DTNA: variants seen among roughly 807,000 people sequenced by gnomAD.
The protein encoded by DTNA is dystrophin-related protein 3.
In DTNA, 43 loss-of-function variants were observed where a neutral mutation model predicts 100.7. The observed-to-expected ratio is 0.43, with a 90% CI of 0.33 to 0.55. The LOEUF (loss-of-function observed/expected upper bound fraction) is 0.55, where lower values mean the gene tolerates loss of function less well. Among genes scored for constraint, DTNA ranks in the 20% least tolerant of loss-of-function variants. DTNA has a pLI of 0.04. For synonymous variants in DTNA, 349 were observed against 347.9 expected, an observed-to-expected ratio of 1.00 and a Z score of -0.04; for missense variants, 798 against 953.9, an observed-to-expected ratio of 0.84 and a Z score of 2.15.
In DTNA at chr18:34,658,920, G is replaced by A. The variant is rs563505888; in HGVS notation, c.-1-97056G>A. On this transcript the variant is annotated intron_variant, in intron 1 of 19. Transcript: ENST00000283365. ...AACACTCTTTCTCCACTGTAACCAC[G>A]GCTGAGGCCTAATGACAATTCAGGG... 8.5e-5 allele frequency among the ~76,000 whole-genome samples: 13 copies of A among 152,290 alleles called. 1 individual carries two copies. The South Asian group carries it at 2.7e-3, about 32-fold the overall frequency.
At chr18:34,713,115 G>A (rs947193166) in intron 1 of DTNA, among the ~76,000 whole-genome samples, 2 of 151,750 alleles carry the variant, frequency 1.3e-5, no homozygotes, top group Non-Finnish European at 2.9e-5. Context: ...AGAAATCTAA[G>A]ACTTTTCAAA....
intron 1 of DTNA, among the ~76,000 whole-genome samples, chr18:34,541,142 A>G (rs1011741190): frequency 6.6e-6 from 1 of 152,110 alleles, no homozygotes; most frequent in Non-Finnish European, 1.5e-5. Flanking sequence ...TCAAAACACC[A>G]TAAAATTACC....
rs1020425552 is a variant in DTNA, at chr18:34,677,638, A to G, written c.-1-78338A>G. Among the ~76,000 whole-genome samples, 8 of 152,186 alleles carry G rather than the reference A, an allele frequency of 5.3e-5. No individual in the cohort carries two copies. In the East Asian group the frequency reaches 5.8e-4, roughly 11 times the overall value. On this transcript the variant is annotated intron_variant, in intron 1 of 19. Coordinates refer to the DTNA transcript ENST00000283365. ...TTCATGAGGAGAAATATTTTAATAT[A>G]TAATTTATTCTCAGATACATAGGTC...
At chr18:34,703,867 T>C (rs2081744976) in intron 1 of DTNA, among the ~76,000 whole-genome samples, 1 of 152,214 alleles carries the variant, frequency 6.6e-6, no homozygotes, top group Non-Finnish European at 1.5e-5. Context: ...TCCACAATAG[T>C]GTGCATTTCT....
rs542671542 is a variant in DTNA, at chr18:34,558,417, C to T, written c.-2+64903C>T. On this transcript the variant is annotated intron_variant, in intron 1 of 19. Coordinates refer to the DTNA transcript ENST00000283365. ...CCCCCTAGTTTGCTTATTTTTAATT[C>T]ATTGATTAATTCAACTATTATTTAC... 2.0e-5 allele frequency among the ~76,000 whole-genome samples: 3 copies of T among 152,228 alleles called. No individual in the cohort carries two copies. The South Asian group carries it at 6.2e-4, about 32-fold the overall frequency.
intron 1 of DTNA, among the ~76,000 whole-genome samples, chr18:34,681,773 T>C (rs1169825279): frequency 2.6e-5 from 4 of 151,292 alleles, no homozygotes; most frequent in African/African-American, 9.7e-5. Flanking sequence ...ACCAGAATGG[T>C]ATATTTGTGA....
At chr18:34,521,271 G>A (rs1345183705) in intron 1 of DTNA, among the ~76,000 whole-genome samples, 1 of 152,038 alleles carries the variant, frequency 6.6e-6, no homozygotes, top group Non-Finnish European at 1.5e-5. Flanking sequence ...AGTTCTGTCA[G>A]CTGTGCCCTC....
chr18:34,496,530 A>G (rs945411459), intron 1 of DTNA, among the ~76,000 whole-genome samples: 1 of 152,134 alleles, frequency 6.6e-6, no homozygotes, highest in Non-Finnish European at 1.5e-5. Flanking sequence ...TTTCCTTTCA[A>G]GTCCCACACC....
At chr18:34,816,582 A>T (rs1034841415) in intron 7 of DTNA, among the ~76,000 whole-genome samples, 2 of 152,232 alleles carry the variant, frequency 1.3e-5, no homozygotes, top group Non-Finnish European at 2.9e-5. Flanking sequence ...TCCAGATTTA[A>T]ATATGAAATA....
At chr18:34,821,563 C>T (rs1602663888) in intron 9 of DTNA, 3 of 455,478 alleles carry the variant, frequency 6.6e-6, no homozygotes, top group African/African-American at 4.0e-5. Context: ...TGCCTTTGAA[C>T]CTCTCTCAGG....
chr18:34,603,283 A>G (rs1271321529), intron 1 of DTNA, among the ~76,000 whole-genome samples: 7 of 152,036 alleles, frequency 4.6e-5, no homozygotes, highest in Non-Finnish European at 8.8e-5. Context: ...CCTCTAGTAC[A>G]TTGTATTAAT....
chr18:34,577,134 T>C (rs1314689116), intron 1 of DTNA, among the ~76,000 whole-genome samples: 28 of 152,220 alleles, frequency 1.8e-4, no homozygotes, highest in Admixed American at 1.8e-3. Flanking sequence ...TTTAATTTTG[T>C]TCATTTTAGC....
intron 5 of DTNA, among the ~76,000 whole-genome samples, chr18:34,810,578 T>C (rs1351695704): frequency 1.3e-5 from 2 of 151,808 alleles, no homozygotes; most frequent in Non-Finnish European, 1.5e-5. Flanking sequence ...GGTTAGCTAA[T>C]GGCTACAAAA....
intron 1 of DTNA, among the ~76,000 whole-genome samples, chr18:34,551,775 T>C (rs1206636063): frequency 3.9e-5 from 6 of 152,158 alleles, no homozygotes; most frequent in Non-Finnish European, 5.9e-5. Flanking sequence ...TATATCACAT[T>C]GCATCCCTGT....
chr18:34,505,243 T>C (rs895921812), intron 1 of DTNA, among the ~76,000 whole-genome samples: 1 of 152,226 alleles, frequency 6.6e-6, no homozygotes, highest in African/African-American at 2.4e-5. Context: ...CTCCAATTTC[T>C]TTCCTCTGTC....
At chr18:34,873,974 G>C (rs754193008) in intron 17 of DTNA, among the ~76,000 whole-genome samples, 12 of 152,138 alleles carry the variant, frequency 7.9e-5, no homozygotes, top group Non-Finnish European at 1.3e-4. Flanking sequence ...CAGCCCATTG[G>C]GCACCCCATG....
intron 13 of DTNA, among the ~76,000 whole-genome samples, chr18:34,841,871 A>C (rs2096274708): frequency 6.6e-6 from 1 of 152,132 alleles, no homozygotes; most frequent in Admixed American, 6.6e-5. Context: ...TTAACTACTT[A>C]ACACACTGGG....
chr18:34,810,201 C>T (rs1196940539), intron 5 of DTNA, among the ~76,000 whole-genome samples: 1 of 152,050 alleles, frequency 6.6e-6, no homozygotes, highest in African/African-American at 2.4e-5. Context: ...ATGGAAAATA[C>T]TGCATATTTA....
chr18:34,780,209 T>C (rs2094255537), intron 3 of DTNA, among the ~76,000 whole-genome samples: 1 of 152,212 alleles, frequency 6.6e-6, no homozygotes, highest in African/African-American at 2.4e-5. Context: ...TCAGAAATTA[T>C]AAAGTTCTAT....
Sources: allele counts gnomAD v4.1 joint callset (sites outside exome capture counted in the v4.1 genomes callset), GRCh38; gene constraint gnomAD v4.1.1; transcripts MANE v1.5; gene names NCBI Gene and HGNC (gene_info 2026-07-23, HGNC 2026-07-21).